PPFIA2: variants seen among roughly 807,000 people sequenced by gnomAD.
PPFIA2 encodes liprin-alpha-2.
PPFIA2 carries 46 observed loss-of-function variants against 175.5 expected under a neutral mutation model. The ratio of observed to expected loss-of-function variants is 0.26; its 90% CI spans 0.21 to 0.34. PPFIA2 has a LOEUF of 0.34. Ranked by LOEUF, PPFIA2 falls within the 10% of genes least tolerant of loss-of-function variation. The pLI, the probability that PPFIA2 is intolerant of heterozygous loss-of-function variation, is 1.00. For missense variants in PPFIA2, 1,179 were observed against 1,506.1 expected, an observed-to-expected ratio of 0.78 and a Z score of 3.60; for synonymous variants, 568 against 511.4, an observed-to-expected ratio of 1.11 and a Z score of -1.49.
At chr12:81,386,636 A>T (rs1052620912) in intron 8 of PPFIA2, among the ~76,000 whole-genome samples, 1 of 151,590 alleles carries the variant, frequency 6.6e-6, no homozygotes, top group Non-Finnish European at 1.5e-5. Context: ...TAATAATGAT[A>T]ATAATAATAA....
intron 4 of PPFIA2, among the ~76,000 whole-genome samples, chr12:81,578,544 T>G (rs1016254298): frequency 1.3e-5 from 2 of 151,872 alleles, no homozygotes; most frequent in African/African-American, 4.8e-5. Flanking sequence ...TTATTTTTAT[T>G]TAAAAAGTTT....
chr12:81,589,166 T>C (rs2058379898), intron 4 of PPFIA2, among the ~76,000 whole-genome samples: 1 of 152,010 alleles, frequency 6.6e-6, no homozygotes, highest in African/African-American at 2.4e-5. Flanking sequence ...GAATTAACAA[T>C]GAGAATAAGG....
At chr12:81,729,565 T>C (rs1012536604) in intron 3 of PPFIA2, among the ~76,000 whole-genome samples, 4 of 151,540 alleles carry the variant, frequency 2.6e-5, no homozygotes, top group African/African-American at 9.7e-5. Context: ...CCCAAGGATA[T>C]CTACTCAGTA....
intron 7 of PPFIA2, among the ~76,000 whole-genome samples, chr12:81,436,325 A>G (rs1009667805): frequency 1.4e-5 from 2 of 138,696 alleles, no homozygotes; most frequent in Admixed American, 7.4e-5. Flanking sequence ...AAAAAAAAAA[A>G]AAAAGTTAAA....
chr12:81,553,580 C>G (rs1442354268), intron 4 of PPFIA2, among the ~76,000 whole-genome samples: 1 of 152,032 alleles, frequency 6.6e-6, no homozygotes, highest in Non-Finnish European at 1.5e-5. Context: ...TAATCCTGGA[C>G]CTCATGTAAG....
chr12:81,297,644 T>C (rs1298709507), intron 23 of PPFIA2, among the ~76,000 whole-genome samples: 1 of 152,234 alleles, frequency 6.6e-6, no homozygotes, highest in Non-Finnish European at 1.5e-5. Context: ...TCTAAATATG[T>C]CTTCTTTGGA....
intron 4 of PPFIA2, among the ~76,000 whole-genome samples, chr12:81,498,020 T>C (rs1453120200): frequency 6.6e-6 from 1 of 152,224 alleles, no homozygotes; most frequent in East Asian, 1.9e-4. Flanking sequence ...TCCCAAATGC[T>C]GATAACAAAC....
intron 24 of PPFIA2, 58 bp downstream of exon 24, chr12:81,294,777 T>G: frequency 1.3e-6 from 2 of 1,538,748 alleles, no homozygotes; most frequent in Admixed American, 1.8e-5. Flanking sequence ...CTCTGTAGAC[T>G]TAGACACACG....
intron 22 of PPFIA2, among the ~76,000 whole-genome samples, chr12:81,314,632 T>C (rs1459065389): frequency 6.6e-6 from 1 of 151,902 alleles, no homozygotes; most frequent in Non-Finnish European, 1.5e-5. Context: ...TTTCCTCACC[T>C]TGATCTTCCA....
chr12:81,627,587 A>T (rs2062867393), intron 4 of PPFIA2, among the ~76,000 whole-genome samples: 1 of 152,068 alleles, frequency 6.6e-6, no homozygotes, highest in Non-Finnish European at 1.5e-5. Flanking sequence ...TCTCAATACC[A>T]CAATCTAAAG....
At chr12:81,643,043 A>G (rs1051482758) in intron 4 of PPFIA2, among the ~76,000 whole-genome samples, 4 of 147,858 alleles carry the variant, frequency 2.7e-5, no homozygotes, top group African/African-American at 9.8e-5. Context: ...TTATTATTAC[A>G]TGTTATATAT....
intron 3 of PPFIA2, among the ~76,000 whole-genome samples, chr12:81,717,046 G>C (rs774656377): frequency 4.5e-4 from 68 of 151,748 alleles, no homozygotes; most frequent in South Asian, 1.7e-3. Flanking sequence ...TGAGATAGTG[G>C]GACAACATGG....
chr12:81,603,667 C>A (rs1373918363), intron 4 of PPFIA2, among the ~76,000 whole-genome samples: 1 of 151,538 alleles, frequency 6.6e-6, no homozygotes, highest in African/African-American at 2.4e-5. Flanking sequence ...GAAGAAAGAA[C>A]TAACATTCAG....
chr12:81,362,123 T>C (rs913131099), intron 15 of PPFIA2, among the ~76,000 whole-genome samples: 1 of 151,268 alleles, frequency 6.6e-6, no homozygotes, highest in Non-Finnish European at 1.5e-5. Flanking sequence ...AGTAGATGAG[T>C]ATGGCTAAAT....
intron 4 of PPFIA2, among the ~76,000 whole-genome samples, chr12:81,482,687 T>C (rs1567009711): frequency 6.6e-6 from 1 of 151,996 alleles, no homozygotes; most frequent in Non-Finnish European, 1.5e-5. Context: ...AGCTGAACAA[T>C]GAGAACACAT....
chr12:81,619,179 C>A (rs117233319), intron 4 of PPFIA2, among the ~76,000 whole-genome samples: 2 of 152,206 alleles, frequency 1.3e-5, no homozygotes, highest in East Asian at 3.9e-4. Flanking sequence ...GTAAAACATC[C>A]GTCTCTGGTA....
intron 4 of PPFIA2, among the ~76,000 whole-genome samples, chr12:81,591,967 A>G (rs534511516): frequency 6.6e-6 from 1 of 152,266 alleles, no homozygotes; most frequent in South Asian, 2.1e-4. Flanking sequence ...ACAGGCACTC[A>G]ACACTGGCCC....
At chr12:81,601,105 T>C (rs1463403124) in intron 4 of PPFIA2, among the ~76,000 whole-genome samples, 1 of 152,000 alleles carries the variant, frequency 6.6e-6, no homozygotes, top group Non-Finnish European at 1.5e-5. Flanking sequence ...TTCTTTTTCA[T>C]ATTTCTTTGG....
At chr12:81,595,187 T>C (rs2059111223) in intron 4 of PPFIA2, among the ~76,000 whole-genome samples, 1 of 151,584 alleles carries the variant, frequency 6.6e-6, no homozygotes, top group South Asian at 2.1e-4. Context: ...TGTAGAATCA[T>C]GTTGAGACAT....
Sources: allele counts gnomAD v4.1 joint callset (sites outside exome capture counted in the v4.1 genomes callset), GRCh38; gene constraint gnomAD v4.1.1; transcripts MANE v1.5; gene names NCBI Gene and HGNC (gene_info 2026-07-23, HGNC 2026-07-21).